SEC23A: variants seen among roughly 807,000 people sequenced by gnomAD.
SEC23A encodes the protein SEC23 homolog A, COPII component.
SEC23A carries 56 observed loss-of-function variants against 103.7 expected under a neutral mutation model. That is an observed-to-expected ratio of 0.54 (90% CI 0.44 to 0.67). The LOEUF (loss-of-function observed/expected upper bound fraction) is 0.67, where lower values mean the gene tolerates loss of function less well. Among genes scored for constraint, SEC23A ranks in the 30% least tolerant of loss-of-function variants. The pLI, the probability that SEC23A is intolerant of heterozygous loss-of-function variation, is 0.00. For missense variants in SEC23A, 784 were observed against 936.4 expected (o/e 0.84, Z 2.12); for synonymous variants, 281 against 293.0 (o/e 0.96, Z 0.42).
At chr14:39,063,732 C>T (rs954943589) in intron 11 of SEC23A, among the ~76,000 whole-genome samples, 7 of 152,090 alleles carry the variant, frequency 4.6e-5, no homozygotes, top group Non-Finnish European at 1.5e-5. Context: ...GGCGGTGGCT[C>T]CCACCTGTAA....
At chr14:39,101,953 C>A (rs1415534265) in intron 1 of SEC23A, among the ~76,000 whole-genome samples, 1 of 152,038 alleles carries the variant, frequency 6.6e-6, no homozygotes, top group Non-Finnish European at 1.5e-5. Flanking sequence ...GGACTCTGGC[C>A]GGGCGCAGTG....
chr14:39,087,387 T>C (rs1287026869), intron 5 of SEC23A: 2 of 221,588 alleles, frequency 9.0e-6, no homozygotes, highest in South Asian at 6.4e-5. Flanking sequence ...AGGAATACAA[T>C]GGTAAAAACT....
chr14:39,038,991 C>T, intron 19 of SEC23A, 40 bp downstream of exon 19: 2 of 1,501,374 alleles, frequency 1.3e-6, no homozygotes, highest in Non-Finnish European at 9.3e-7. Flanking sequence ...ACAATAAATA[C>T]ACAAAGAAAT....
In SEC23A at chr14:39,085,689, TACACACAC is replaced by T. The variant is rs59136053; in HGVS notation, c.828+65_828+72del. 8.7e-4 allele frequency: 1,046 copies of T among 1,196,418 alleles called. 9 individuals are homozygous for T. In the African/African-American group the frequency reaches 9.6e-3, roughly 11 times the overall value. 74.1% of individuals were successfully genotyped at this position (1,196,418 alleles called of 1,614,324 possible). A position where few individuals can be genotyped will look rare whatever the true frequency, so the allele number is the denominator to read the frequency against. On this transcript the variant is annotated intron_variant, in intron 7 of 19. Transcript: ENST00000307712. ...TTCTTCTTATCCTTATAATTATATA[TACACACAC>T]ACACACACACACACACACACACACA...
At chr14:39,094,702 T>TA (rs1187549599) in intron 2 of SEC23A, among the ~76,000 whole-genome samples, 1 of 151,990 alleles carries the variant, frequency 6.6e-6, no homozygotes, top group Non-Finnish European at 1.5e-5. Flanking sequence ...GAAGCAATCA[T>TA]ACGAAAATAT....
chr14:39,049,851 G>A (rs1364328963), intron 14 of SEC23A, among the ~76,000 whole-genome samples: 1 of 150,780 alleles, frequency 6.6e-6, no homozygotes, highest in East Asian at 2.0e-4. Flanking sequence ...GGAGTGCAGT[G>A]GCGCGATCTC....
intron 14 of SEC23A, among the ~76,000 whole-genome samples, chr14:39,051,154 T>G (rs143255617): frequency 6.6e-6 from 1 of 152,242 alleles, no homozygotes; most frequent in African/African-American, 2.4e-5. Flanking sequence ...CAATTTAGCA[T>G]AGTAATATGT....
At chr14:39,063,923 G>C (rs999143234) in intron 11 of SEC23A, among the ~76,000 whole-genome samples, 1 of 152,072 alleles carries the variant, frequency 6.6e-6, no homozygotes, top group African/African-American at 2.4e-5. Flanking sequence ...GTGAACCTAG[G>C]AGGCGGAGCT....
chr14:39,039,242 T>G lies in SEC23A; in HGVS notation c.2143-146A>C, dbSNP rs1424008147. 5 of 680,672 alleles carry G rather than the reference T, an allele frequency of 7.3e-6. No homozygotes were observed. In the Admixed American group the frequency reaches 8.0e-5, roughly 11 times the overall value. The allele number at this position is 680,672 out of a possible 1,614,324, so 42.2% of individuals were successfully genotyped here. The stretch of plus-strand genomic sequence containing the variant: ...AACTTAATTTTTAAAAGATTAAACT[T>G]TGAAATGTATAGGTCACTAAGTGTT... On this transcript the variant is annotated intron_variant, in intron 18 of 19. Transcript: ENST00000307712.
intron 19 of SEC23A, among the ~76,000 whole-genome samples, chr14:39,037,298 T>C (rs1885493921): frequency 6.6e-6 from 1 of 152,114 alleles, no homozygotes; most frequent in African/African-American, 2.4e-5. Context: ...TCAAACTCAG[T>C]GTCTAAACCA....
intron 1 of SEC23A, among the ~76,000 whole-genome samples, chr14:39,098,907 A>T (rs1193571497): frequency 1.3e-5 from 2 of 152,088 alleles, no homozygotes; most frequent in Non-Finnish European, 2.9e-5. Context: ...CAAAAAAAAA[A>T]AATAAAATGC....
intron 5 of SEC23A, chr14:39,087,405 C>A: frequency 5.0e-6 from 1 of 199,486 alleles, no homozygotes; most frequent in Non-Finnish European, 1.0e-5. Context: ...ACTAACTAGT[C>A]CCTTCCCTCA....
At chr14:39,066,970 G>A (rs1336953476) in intron 10 of SEC23A, among the ~76,000 whole-genome samples, 1 of 152,106 alleles carries the variant, frequency 6.6e-6, no homozygotes, top group Admixed American at 6.6e-5. Flanking sequence ...TCTAACAATT[G>A]TTCAGAAATG....
At chr14:39,047,304 GC>G in intron 15 of SEC23A, 1 of 846,890 alleles carries the variant, frequency 1.2e-6, no homozygotes, top group Non-Finnish European at 1.7e-6. Context: ...TTAGGCTAAT[GC>G]CCTCCATCAC....
rs1887664230 is a variant in SEC23A, at chr14:39,091,569, T to C, written c.511A>G (p.Arg171Gly). 1.2e-6 allele frequency: 2 copies of C among 1,613,902 alleles called. No homozygotes were observed. Among genetic ancestry groups the C allele is most frequent in the Non-Finnish European group, 1.7e-6 (2 of 1,179,990 alleles). ...CCAAGTTCATGAACCTGAACCATTC[T>C]CCCAAAAGTAATAAGTCCAACCAAA... ...TALVGLITFG[R>G]MVQVHELGCE... is the part of the protein sequence containing the mutation. Residue 171 changes from arginine to glycine, a missense_variant, in exon 5 of 20, where the codon AGA becomes GGA. Arg to Gly is a moderately radical substitution (Grantham distance 125). Coordinates refer to ENST00000307712, the MANE Select transcript of SEC23A (RefSeq NM_006364.4).
intron 4 of SEC23A, among the ~76,000 whole-genome samples, 169 bp from the exon 5 acceptor site, chr14:39,091,882 T>C (rs1000906670): frequency 5.3e-5 from 8 of 152,190 alleles, no homozygotes; most frequent in African/African-American, 2.4e-5. Flanking sequence ...AGACATATCA[T>C]CAGGTGAAAA....
At position 39,045,249 on chromosome 14, in the gene SEC23A, G is replaced by A. The variant is rs941426640; in HGVS notation, c.1813C>T (p.His605Tyr). The stretch of plus-strand genomic sequence containing the variant: ...GTCAGATCTTGACGCATAAAATGGT[G>A]ACGATAATATGAACTCTCATCAGGA... Reference protein sequence around the residue: ...NSPDESSYYRHHFMRQDLTQS... With the variant: ...NSPDESSYYRYHFMRQDLTQS... The change falls in exon 16 of 20, where the codon CAC becomes TAC. Residue 605 changes from histidine (H) to tyrosine (Y), a missense_variant. Around this residue, in one of 2 missense-constraint regions of SEC23A, gnomAD observed 683 missense variants for 774.2 expected, o/e 0.88. Transcript: ENST00000307712. 1.2e-6 allele frequency: 2 copies of A among 1,612,868 alleles called. No homozygotes were observed. Among genetic ancestry groups the A allele is most frequent in the African/African-American group, 1.3e-5 (1 of 74,980 alleles).
Position 39,063,428 on chromosome 14 carries a change from TA to T in SEC23A, c.1309-16del, listed in dbSNP as rs1886546622. On this transcript the variant is annotated splice_polypyrimidine_tract_variant and intron_variant, in intron 11 of 19. Coordinates refer to ENST00000307712, the MANE Select transcript of SEC23A (RefSeq NM_006364.4). Reference sequence around the variant, plus strand: ...GTTCCTATCTCCTGTAAAAATAAAATATAGCATGTTTGAAAGCTAGAGACAC... The same window carrying T: ...GTTCCTATCTCCTGTAAAAATAAAATTAGCATGTTTGAAAGCTAGAGACAC... 13 of 1,501,184 alleles carry T rather than the reference TA, an allele frequency of 8.7e-6. No individual in the cohort carries two copies. The highest frequency in any genetic ancestry group is 1.4e-5 in the African/African-American group (1 of 72,644). The allele number at this position is 1,501,184 out of a possible 1,614,324, so 93.0% of individuals were successfully genotyped here. A position where few individuals can be genotyped will look rare whatever the true frequency, so the allele number is the denominator to read the frequency against.
Position 39,047,451 on chromosome 14 carries a change from A to C in SEC23A, c.1737+1201T>G, listed in dbSNP as rs1174355704. 5 of 1,267,426 alleles carry C rather than the reference A, an allele frequency of 3.9e-6. No individual in the cohort carries two copies. In the South Asian group the frequency reaches 6.3e-5, roughly 16 times the overall value. 78.5% of individuals were successfully genotyped at this position (1,267,426 alleles called of 1,614,324 possible). A position where few individuals can be genotyped will look rare whatever the true frequency, so the allele number is the denominator to read the frequency against. On this transcript the variant is annotated intron_variant, in intron 15 of 19. Coordinates refer to ENST00000307712, the MANE Select transcript of SEC23A (RefSeq NM_006364.4). ...GGAAGTCTCTCCTCTGTAAGCATGG[A>C]GTTTCTGGGTTATAGATCAATCAGC...
Sources: allele counts gnomAD v4.1 joint callset (sites outside exome capture counted in the v4.1 genomes callset), GRCh38; gene constraint gnomAD v4.1.1; regional missense constraint gnomAD v4.1.1; transcripts MANE v1.5; gene names NCBI Gene and HGNC (gene_info 2026-07-23, HGNC 2026-07-21).